The following MTM1 variants were observed in gnomAD, a reference collection of about 807,000 sequenced individuals.
The protein encoded by MTM1 is myotubularin.
A neutral mutation model predicts 52.1 loss-of-function variants in MTM1; 9 were observed. The ratio of observed to expected loss-of-function variants is 0.17; its 90% CI spans 0.10 to 0.30. The LOEUF (loss-of-function observed/expected upper bound fraction) is 0.30, where lower values mean the gene tolerates loss of function less well. MTM1 is among the 10% of genes least tolerant of loss of function. The pLI is 1.00. For synonymous variants in MTM1, 136 were observed against 163.8 expected (o/e 0.83, Z 1.29); for missense variants, 277 against 470.7 (o/e 0.59, Z 3.81).
chrX:150,618,356 TA>T (rs1169504772), intron 5 of MTM1, among the ~76,000 whole-genome samples: 7 of 111,439 alleles, frequency 6.3e-5, no homozygotes, highest in Admixed American at 1.9e-4. Context: ...GTTTTATAAT[TA>T]AAAAAAATAT....
intron 6 of MTM1, among the ~76,000 whole-genome samples, chrX:150,637,922 G>A (rs184005669): frequency 2.7e-5 from 3 of 112,441 alleles, no homozygotes; most frequent in African/African-American, 9.7e-5. Context: ...TTTACTCCTC[G>A]CAAAGTGGAA....
At chrX:150,585,062 G>GGAGA (rs368036277) in intron 1 of MTM1, among the ~76,000 whole-genome samples, 61 of 101,106 alleles carry the variant, frequency 6.0e-4, no homozygotes, top group Non-Finnish European at 7.8e-4. Context: ...ACAGAGAAGT[G>GGAGA]GAGAGAGAGA....
At chrX:150,580,920 A>G (rs1256619130) in intron 1 of MTM1, among the ~76,000 whole-genome samples, 1 of 112,071 alleles carries the variant, frequency 8.9e-6, no homozygotes, top group Non-Finnish European at 1.9e-5. Context: ...CAAGCCCAAC[A>G]TTCTCAACAA....
intron 1 of MTM1, among the ~76,000 whole-genome samples, chrX:150,574,650 C>G (rs1316627942): frequency 8.9e-6 from 1 of 111,750 alleles, no homozygotes; most frequent in Non-Finnish European, 1.9e-5. Flanking sequence ...TTTTTTGGTA[C>G]TAAATTGTCA....
upstream of MTM1, among the ~76,000 whole-genome samples, chrX:150,567,142 G>A: frequency 9.0e-6 from 1 of 110,765 alleles, no homozygotes; most frequent in East Asian, 2.8e-4. Context: ...GGAAAGGGCT[G>A]GAGGAAAGAA....
chrX:150,645,952 T>C (rs1006290280), intron 9 of MTM1, 81 bp downstream of exon 9: 5 of 910,594 alleles, frequency 5.5e-6, no homozygotes, highest in Non-Finnish European at 8.0e-6. Context: ...TGCCATGATA[T>C]AGAAACACGT....
At chrX:150,581,344 A>G (rs1158995900) in intron 1 of MTM1, among the ~76,000 whole-genome samples, 2 of 112,155 alleles carry the variant, frequency 1.8e-5, no homozygotes, top group Non-Finnish European at 3.8e-5. Context: ...ACTCAGCTAT[A>G]TATGATCTGA....
intron 6 of MTM1, among the ~76,000 whole-genome samples, chrX:150,629,499 A>G (rs1557413496): frequency 9.2e-6 from 1 of 108,879 alleles, no homozygotes; most frequent in Non-Finnish European, 1.9e-5. Context: ...ATGACTTCCA[A>G]CTCCTTAAAA....
At chrX:150,587,731 A>C (rs1406525509) in intron 1 of MTM1, among the ~76,000 whole-genome samples, 9 of 111,658 alleles carry the variant, frequency 8.1e-5, no homozygotes, top group Non-Finnish European at 1.7e-4. Flanking sequence ...AATTTATAGT[A>C]AATCCTGTGT....
intron 9 of MTM1, among the ~76,000 whole-genome samples, chrX:150,646,517 A>G (rs897912618): frequency 5.3e-5 from 6 of 112,684 alleles, no homozygotes; most frequent in Non-Finnish European, 9.4e-5. Flanking sequence ...TGCAAGGTGT[A>G]TGGCTGTTTG....
chrX:150,563,242 G>T, the MTM1 span, among the ~76,000 whole-genome samples: 1 of 108,017 alleles, frequency 9.3e-6, no homozygotes, highest in African/African-American at 3.4e-5. Context: ...ACAATTCTGG[G>T]CAGCCTTAGG....
At chrX:150,660,320 A>G in intron 12 of MTM1, 51 bp from the exon 13 acceptor site, 2 of 762,486 alleles carry the variant, frequency 2.6e-6, no homozygotes, top group East Asian at 6.4e-5. Flanking sequence ...TTCTAATTTT[A>G]TAAAGTTTCA....
intron 8 of MTM1, among the ~76,000 whole-genome samples, chrX:150,643,420 A>G (rs782721472): frequency 8.9e-6 from 1 of 111,744 alleles, no homozygotes; most frequent in East Asian, 2.8e-4. Context: ...CATTTTAAGC[A>G]TTATAAAAAA....
At chrX:150,628,974 C>A (rs1557413479) in intron 6 of MTM1, among the ~76,000 whole-genome samples, 1 of 111,512 alleles carries the variant, frequency 9.0e-6, no homozygotes, top group African/African-American at 3.3e-5. Context: ...AGCCACCATA[C>A]CTGGCCCCTG....
At chrX:150,603,819 G>A (rs1353862059) in intron 4 of MTM1, among the ~76,000 whole-genome samples, 3 of 111,691 alleles carry the variant, frequency 2.7e-5, no homozygotes, top group Non-Finnish European at 1.9e-5. Context: ...GGAAGAGTAT[G>A]TAACATAAAA....
intron 10 of MTM1, among the ~76,000 whole-genome samples, chrX:150,651,890 G>A (rs1434470264): frequency 2.7e-5 from 3 of 111,019 alleles, no homozygotes; most frequent in Non-Finnish European, 5.7e-5. Context: ...GGAGGATATT[G>A]GAAGGTAAAG....
At chrX:150,607,947 G>A (rs1452449244) in intron 4 of MTM1, among the ~76,000 whole-genome samples, 1 of 111,592 alleles carries the variant, frequency 9.0e-6, no homozygotes, top group Non-Finnish European at 1.9e-5. Context: ...AACAGTTTGA[G>A]GAGCCTGGGA....
At chrX:150,575,522 C>T (rs939874945) in intron 1 of MTM1, among the ~76,000 whole-genome samples, 1 of 112,011 alleles carries the variant, frequency 8.9e-6, no homozygotes, top group Non-Finnish European at 1.9e-5. Context: ...TTTTTCTTCT[C>T]ATTTCCATCA....
At position 150,608,268 on chromosome X, in the gene MTM1, G is replaced by T. The variant is rs782178304; in HGVS notation, c.232-6321G>T. 1.3e-4 allele frequency among the ~76,000 whole-genome samples: 14 copies of T among 111,660 alleles called. No individual in the cohort carries two copies. In the East Asian group the frequency reaches 3.9e-3, roughly 31 times the overall value. On this transcript the variant is annotated intron_variant, in intron 4 of 14. Coordinates refer to ENST00000370396, the MANE Select transcript of MTM1 (RefSeq NM_000252.3). ...CAGGGTCTCGCTGTTGCCCAGGCTGGAGTGCAGTGGTGCAATCATAGCTCA... is the reference window on the plus strand; with the variant it reads ...CAGGGTCTCGCTGTTGCCCAGGCTGTAGTGCAGTGGTGCAATCATAGCTCA...
Sources: allele counts gnomAD v4.1 joint callset (sites outside exome capture counted in the v4.1 genomes callset), GRCh38; gene constraint gnomAD v4.1.1; transcripts MANE v1.5; gene names NCBI Gene and HGNC (gene_info 2026-07-23, HGNC 2026-07-21).